FHL5: variants seen among roughly 807,000 people sequenced by gnomAD.
The protein encoded by FHL5 is four and a half LIM domains protein 5.
A neutral mutation model predicts 32.0 loss-of-function variants in FHL5; 33 were observed. That is an observed-to-expected ratio of 1.03 (90% CI 0.78 to 1.38). The LOEUF is 1.38. Among genes scored for constraint, FHL5 ranks in the 40% most tolerant of loss-of-function variants. FHL5 has a pLI of 0.00. For missense variants in FHL5, 336 were observed against 343.9 expected (o/e 0.98, Z 0.18); for synonymous variants, 114 against 113.6 (o/e 1.00, Z -0.02).
intron 3 of FHL5, among the ~76,000 whole-genome samples, chr6:96,605,207 T>C (rs1158712857): frequency 3.3e-5 from 5 of 152,194 alleles, no homozygotes; most frequent in Non-Finnish European, 1.5e-5. Context: ...TGTATACCAA[T>C]AACACTACAT....
At chr6:96,580,687 T>G (rs1309811128) in intron 1 of FHL5, among the ~76,000 whole-genome samples, 1 of 152,150 alleles carries the variant, frequency 6.6e-6, no homozygotes, top group East Asian at 1.9e-4. Context: ...AAAGCCAATA[T>G]ATTATATGGT....
At chr6:96,592,980 T>C (rs556032160) in intron 1 of FHL5, among the ~76,000 whole-genome samples, 1 of 152,236 alleles carries the variant, frequency 6.6e-6, no homozygotes, top group East Asian at 1.9e-4. Context: ...ATACAACTTG[T>C]ATATTTTTCT....
At chr6:96,587,796 T>C (rs376531180) in intron 1 of FHL5, among the ~76,000 whole-genome samples, 1 of 152,224 alleles carries the variant, frequency 6.6e-6, no homozygotes, top group East Asian at 1.9e-4. Context: ...TAATAAACTT[T>C]GGCTGTTCTA....
chr6:96,608,493 A>T (rs567959710), intron 4 of FHL5, among the ~76,000 whole-genome samples: 40 of 152,250 alleles, frequency 2.6e-4, no homozygotes, highest in African/African-American at 9.4e-4. Flanking sequence ...ATATTTTCTT[A>T]AAAAAAGGAA....
intron 1 of FHL5, among the ~76,000 whole-genome samples, chr6:96,581,997 A>G (rs980972229): frequency 1.3e-5 from 2 of 152,304 alleles, no homozygotes; most frequent in East Asian, 3.9e-4. Context: ...CCTATGCTGA[A>G]TACTTTTAGA....
rs145072197 is a variant in FHL5, at chr6:96,583,329, T to C, written c.-13+19974T>C. On this transcript the variant is annotated intron_variant, in intron 1 of 5. Transcript: ENST00000450218. ...ATTTTTCTACTGTAGAATGTGCATG[T>C]ATCCCATCTGGCCTAGTTTACAGAC... is the stretch of plus-strand genomic sequence containing the variant. Among the ~76,000 whole-genome samples, 1,081 of 152,340 alleles carry C rather than the reference T, an allele frequency of 7.1e-3. 5 individuals are homozygous for C. The highest frequency in any genetic ancestry group is 0.011 in the Non-Finnish European group (733 of 68,028).
At chr6:96,593,059 A>C (rs774496444) in intron 1 of FHL5, among the ~76,000 whole-genome samples, 3 of 151,914 alleles carry the variant, frequency 2.0e-5, no homozygotes, top group African/African-American at 4.8e-5. Context: ...ACCTTTTATC[A>C]TCATGCTTAA....
chr6:96,564,030 GT>G (rs1362593038), intron 1 of FHL5, among the ~76,000 whole-genome samples: 1 of 152,170 alleles, frequency 6.6e-6, no homozygotes, highest in Non-Finnish European at 1.5e-5. Context: ...TCCCATATGT[GT>G]TAATGCTTTC....
chr6:96,573,458 T>C (rs1057508443), intron 1 of FHL5, among the ~76,000 whole-genome samples: 2 of 152,058 alleles, frequency 1.3e-5, no homozygotes, highest in Non-Finnish European at 2.9e-5. Flanking sequence ...TCTAGTCTTG[T>C]AATTACATTC....
intron 1 of FHL5, among the ~76,000 whole-genome samples, chr6:96,587,504 A>G (rs1770823120): frequency 1.3e-5 from 2 of 151,634 alleles, no homozygotes; most frequent in Non-Finnish European, 2.9e-5. Context: ...TATGTTGAGA[A>G]ATAAATTTAT....
intron 1 of FHL5, among the ~76,000 whole-genome samples, chr6:96,600,997 C>G (rs957874165): frequency 2.0e-5 from 3 of 152,154 alleles, no homozygotes; most frequent in Non-Finnish European, 4.4e-5. Flanking sequence ...TACCCAACTC[C>G]CTGATGTTGC....
intron 5 of FHL5, among the ~76,000 whole-genome samples, chr6:96,613,142 TA>T (rs1399118755): frequency 5.3e-5 from 8 of 152,210 alleles, no homozygotes; most frequent in African/African-American, 1.7e-4. Context: ...TATGATAAGG[TA>T]ATAGATATGT....
Position 96,605,908 on chromosome 6 carries a change from G to T in FHL5, c.341G>T (p.Arg114Leu), listed in dbSNP as rs201297556. ...CCTTACTTTTGGAGTACAGGTTCCC[G>T]CAAAATGGAATTTAAGGGAAACTAC... The part of the protein sequence containing the change: ...HCKRTIMPGS[R>L]KMEFKGNYWH... Residue 114 changes from arginine to leucine, a missense_variant, in exon 4 of 6, where the codon CGC becomes CTC. Physicochemically the swap from Arg to Leu is moderately radical, Grantham distance 102 (BLOSUM62 -2). Coordinates refer to ENST00000450218, the MANE Select transcript of FHL5 (RefSeq NM_001322466.2). The T allele has an allele frequency of 6.2e-7, 1 of 1,613,632 alleles. No individual in the cohort carries two copies. Among genetic ancestry groups the T allele is most frequent in the Admixed American group, 1.7e-5 (1 of 59,974 alleles).
chr6:96,572,347 G>A (rs948914176), intron 1 of FHL5, among the ~76,000 whole-genome samples: 1 of 152,178 alleles, frequency 6.6e-6, no homozygotes, highest in Non-Finnish European at 1.5e-5. Context: ...CCAAGGTACT[G>A]TTTTCCCAAG....
chr6:96,604,232 C>T (rs929385141), intron 2 of FHL5, among the ~76,000 whole-genome samples: 6 of 151,860 alleles, frequency 4.0e-5, no homozygotes, highest in Non-Finnish European at 7.4e-5. Flanking sequence ...CCCCTTCCTC[C>T]GACATGCTTA....
rs1005874801 is a variant in FHL5 at position 96,603,761 on chromosome 6, T to C, written c.148T>C (p.Ser50Pro). Residue 50 changes from serine to proline, a missense_variant, in exon 2 of 6, where the codon TCT becomes CCT. Physicochemically the swap from Ser to Pro is moderately conservative, Grantham distance 74. Transcript: ENST00000450218. ...CGAGGAATGCAAAAAACCAATTGAATCTGATTCTAAGGTAAGTCTCACCTC... is the reference window on the plus strand; with the variant it reads ...CGAGGAATGCAAAAAACCAATTGAACCTGATTCTAAGGTAAGTCTCACCTC... ...YCEECKKPIESDSKDLCYKDR... is the reference protein window; with the variant it reads ...YCEECKKPIEPDSKDLCYKDR... 1 of 1,609,436 alleles carries C rather than the reference T, an allele frequency of 6.2e-7. No homozygotes were observed. The highest frequency in any genetic ancestry group is 1.7e-5 in the Admixed American group (1 of 59,542).
chr6:96,606,009 G>A lies in FHL5; in HGVS notation c.442G>A (p.Gly148Ser). The part of the protein sequence containing the change: ...GTKPLISKES[G>S]NYCVPCFEKE... ...AAAGCCTTTGATCTCCAAAGAGAGTGGCAATTATTGTGTGCCATGTTTTGA... is the reference window on the plus strand; with the variant it reads ...AAAGCCTTTGATCTCCAAAGAGAGTAGCAATTATTGTGTGCCATGTTTTGA... The change falls in exon 4 of 6, where the codon GGC becomes AGC. Residue 148 changes from glycine to serine, a missense_variant. Gly to Ser is a moderately conservative substitution (Grantham distance 56). Transcript: ENST00000450218. The A allele has an allele frequency of 1.2e-6, 2 of 1,614,056 alleles. No individual in the cohort carries two copies. Among genetic ancestry groups the A allele is most frequent in the Non-Finnish European group, 1.7e-6 (2 of 1,179,984 alleles).
chr6:96,611,327 G>A (rs2127975474), intron 5 of FHL5, among the ~76,000 whole-genome samples: 1 of 152,120 alleles, frequency 6.6e-6, no homozygotes, highest in South Asian at 2.1e-4. Flanking sequence ...TATGAAGTGT[G>A]TTTATGAGTA....
chr6:96,592,208 T>C lies in FHL5; in HGVS notation c.-12-11394T>C, dbSNP rs143984910. Among the ~76,000 whole-genome samples the C allele has an allele frequency of 3.1e-3, 477 of 152,206 alleles. 1 individual carries two copies. The highest frequency in any genetic ancestry group is 8.0e-3 in the African/African-American group (332 of 41,542). On this transcript the variant is annotated intron_variant, in intron 1 of 5. Transcript: ENST00000450218. ...GGGAGACTGGGGCTTATTTCATCCC[T>C]ACAGTCTTGACCATAGAAGATGGCC...
Sources: allele counts gnomAD v4.1 joint callset (sites outside exome capture counted in the v4.1 genomes callset), GRCh38; gene constraint gnomAD v4.1.1; transcripts MANE v1.5; gene names NCBI Gene and HGNC (gene_info 2026-07-23, HGNC 2026-07-21).